POC5: variants seen among roughly 807,000 people sequenced by gnomAD.
POC5 encodes centrosomal protein POC5.
A neutral mutation model predicts 62.9 loss-of-function variants in POC5; 48 were observed. The ratio of observed to expected loss-of-function variants is 0.76; its 90% CI spans 0.61 to 0.97. The LOEUF is 0.97. POC5 is among the 50% of genes least tolerant of loss of function. The pLI is 0.00. For missense variants in POC5, 696 were observed against 679.5 expected (o/e 1.02, Z -0.27); for synonymous variants, 236 against 228.2 (o/e 1.03, Z -0.31).
intron 1 of POC5, 105 bp from the exon 2 acceptor site, chr5:75,713,056 T>C: frequency 1.3e-6 from 1 of 780,284 alleles, no homozygotes. Flanking sequence ...AATCTTCCTG[T>C]GATATGCTAA....
chr5:75,705,980 T>C (rs538667974), intron 3 of POC5, among the ~76,000 whole-genome samples, 193 bp from the exon 4 acceptor site: 21 of 152,308 alleles, frequency 1.4e-4, no homozygotes, highest in African/African-American at 5.1e-4. Flanking sequence ...ACTTACTATA[T>C]CATTGATAAG....
At chr5:75,681,578 C>T (rs2112083428) in intron 10 of POC5, among the ~76,000 whole-genome samples, 1 of 150,800 alleles carries the variant, frequency 6.6e-6, no homozygotes, top group South Asian at 2.1e-4. Context: ...TAAAGAAAAT[C>T]ATTTTAATAT....
At chr5:75,691,836 A>G (rs968905976) in intron 7 of POC5, among the ~76,000 whole-genome samples, 1 of 152,154 alleles carries the variant, frequency 6.6e-6, no homozygotes, top group Non-Finnish European at 1.5e-5. Flanking sequence ...ATTTACTGAT[A>G]TACCAACTCA....
At chr5:75,687,282 G>A (rs1215999663) in intron 9 of POC5, among the ~76,000 whole-genome samples, 2 of 152,020 alleles carry the variant, frequency 1.3e-5, no homozygotes, top group Non-Finnish European at 2.9e-5. Context: ...CACTCACCTC[G>A]GCCTCCCAAA....
intron 6 of POC5, among the ~76,000 whole-genome samples, chr5:75,694,192 G>C (rs2112133443): frequency 6.6e-6 from 1 of 151,930 alleles, no homozygotes; most frequent in South Asian, 2.1e-4. Context: ...AAAAGAGAGA[G>C]ATTAAAAAAA....
In POC5 at chr5:75,713,288, G is replaced by C. The variant is rs147726106; in HGVS notation, c.-14-337C>G. On this transcript the variant is annotated intron_variant, in intron 1 of 11. Transcript: ENST00000428202. ...TCCTCTAAGACACAGAACCAAGAGAGAACAAACAATTTGTGCAAATTCCCT... is the reference window on the plus strand; with the variant it reads ...TCCTCTAAGACACAGAACCAAGAGACAACAAACAATTTGTGCAAATTCCCT... Among the ~76,000 whole-genome samples, 354 of 152,298 alleles carry C rather than the reference G, an allele frequency of 2.3e-3. 1 individual carries two copies. In the East Asian group the frequency reaches 0.031, roughly 13 times the overall value.
rs142626964 is a variant in POC5, at chr5:75,704,931, G to A, written c.307+773C>T. Among the ~76,000 whole-genome samples, 179 of 152,316 alleles carry A rather than the reference G, an allele frequency of 1.2e-3. 1 individual carries two copies. In the East Asian group the frequency reaches 0.03, roughly 26 times the overall value. On this transcript the variant is annotated intron_variant, in intron 4 of 11. Transcript: ENST00000428202. ...AAAGTTCTTTAAAGCCAGGCATGGT[G>A]GCTCATGCCTGTAATCCCAGCACTT...
chr5:75,703,252 G>C (rs1315020581), intron 4 of POC5, among the ~76,000 whole-genome samples: 1 of 152,190 alleles, frequency 6.6e-6, no homozygotes, highest in African/African-American at 2.4e-5. Context: ...TTCAGAAAAA[G>C]TTAAGTAATT....
chr5:75,683,334 A>C (rs1386212706), intron 10 of POC5, among the ~76,000 whole-genome samples: 5 of 151,568 alleles, frequency 3.3e-5, no homozygotes, highest in Non-Finnish European at 7.4e-5. Flanking sequence ...TCCCTGGTTC[A>C]AGCAATTCTA....
chr5:75,713,009 TC>T, intron 1 of POC5, 58 bp from the exon 2 acceptor site: 1 of 1,231,020 alleles, frequency 8.1e-7, no homozygotes, highest in Non-Finnish European at 1.2e-6. Flanking sequence ...TAAAATCCTT[TC>T]CAGATATATA....
intron 7 of POC5, among the ~76,000 whole-genome samples, chr5:75,691,727 C>T (rs1202388580): frequency 6.6e-6 from 1 of 151,564 alleles, no homozygotes; most frequent in African/African-American, 2.4e-5. Context: ...ATATATTCAT[C>T]TCCTATATTC....
At chr5:75,706,981 A>G (rs1369019290) in intron 3 of POC5, among the ~76,000 whole-genome samples, 1 of 152,232 alleles carries the variant, frequency 6.6e-6, no homozygotes, top group Admixed American at 6.5e-5. Flanking sequence ...ACTTAGCAGA[A>G]GCCCAGGAGC....
chr5:75,689,286 C>G (rs1776221117), intron 8 of POC5, 121 bp from the exon 9 acceptor site: 2 of 1,383,080 alleles, frequency 1.4e-6, no homozygotes, highest in Non-Finnish European at 1.9e-6. Context: ...TGTCACTTAC[C>G]TCTTCTGCTA....
intron 5 of POC5, among the ~76,000 whole-genome samples, chr5:75,697,416 A>G (rs1776654441): frequency 6.6e-6 from 1 of 152,192 alleles, no homozygotes; most frequent in African/African-American, 2.4e-5. Flanking sequence ...ATTCTTAAAG[A>G]AAAGAATTTT....
At chr5:75,684,363 ATTTTTTTT>A (rs749361349) in intron 10 of POC5, among the ~76,000 whole-genome samples, 1 of 132,710 alleles carries the variant, frequency 7.5e-6, no homozygotes, top group South Asian at 2.4e-4. Context: ...TTCCTACATA[ATTTTTTTT>A]TTTTTTTTTT....
At chr5:75,679,725 G>A (rs952463590) in intron 10 of POC5, among the ~76,000 whole-genome samples, 1 of 152,058 alleles carries the variant, frequency 6.6e-6, no homozygotes, top group Non-Finnish European at 1.5e-5. Context: ...ATCTGAAATG[G>A]GAATATCTAT....
chr5:75,694,067 G>A (rs1776455774), intron 6 of POC5, among the ~76,000 whole-genome samples: 1 of 152,110 alleles, frequency 6.6e-6, no homozygotes, highest in African/African-American at 2.4e-5. Flanking sequence ...CCCTGGCAGG[G>A]GCTGAGGCAG....
Position 75,689,058 on chromosome 5 carries a change from T to C in POC5, c.1083A>G (p.Ala361=). 1.3e-6 allele frequency: 2 copies of C among 1,599,742 alleles called. No individual in the cohort carries two copies. The highest frequency in any genetic ancestry group is 1.7e-6 in the Non-Finnish European group (2 of 1,173,558). Residue 361 remains alanine (A), a synonymous_variant, in exon 9 of 12, where the codon GCA becomes GCG. Transcript: ENST00000428202. ...ATATAGTCATGGCTTCAAGATTTAATGCACATACACCCCTCATGAAAGCTT... is the reference window on the plus strand; with the variant it reads ...ATATAGTCATGGCTTCAAGATTTAACGCACATACACCCCTCATGAAAGCTT... ...MKKAFMRGVC[A]LNLEAMTIFQ...
At chr5:75,701,023 C>A (rs1213865793) in intron 5 of POC5, among the ~76,000 whole-genome samples, 1 of 124,162 alleles carries the variant, frequency 8.1e-6, no homozygotes, top group Non-Finnish European at 1.8e-5. Context: ...CAATGAGATA[C>A]CATCTCACAC....
Sources: allele counts gnomAD v4.1 joint callset (sites outside exome capture counted in the v4.1 genomes callset), GRCh38; gene constraint gnomAD v4.1.1; transcripts MANE v1.5; gene names NCBI Gene and HGNC (gene_info 2026-07-23, HGNC 2026-07-21).